The following TBCD variants were observed in gnomAD, a reference collection of about 807,000 sequenced individuals.
TBCD encodes the protein tubulin-specific chaperone D.
In TBCD, 105 loss-of-function variants were observed where a neutral mutation model predicts 169.3. The observed-to-expected ratio is 0.62, with a 90% CI of 0.53 to 0.73. TBCD has a LOEUF of 0.73. Ranked by LOEUF, TBCD falls within the 30% of genes least tolerant of loss-of-function variation. The pLI, the probability that TBCD is intolerant of heterozygous loss-of-function variation, is 0.00. For synonymous variants in TBCD, 700 were observed against 643.9 expected, an observed-to-expected ratio of 1.09 and a Z score of -1.32; for missense variants, 1,444 against 1,600.1, an observed-to-expected ratio of 0.90 and a Z score of 1.66.
In TBCD at chr17:82,831,860, C is replaced by T. The variant is rs560544398; in HGVS notation, c.1318+16926C>T. 2.5e-6 allele frequency: 4 copies of T among 1,614,092 alleles called. No homozygotes were observed. The South Asian group carries it at 4.4e-5, about 18-fold the overall frequency. On this transcript the variant is annotated intron_variant, in intron 13 of 38. Transcript: ENST00000355528. The surrounding 1 kb of genome is among the most constrained non-coding windows in gnomAD (Gnocchi z 4.6). ...CAGGGGTAGCCAGGAGTGTGGAAGG[C>T]CGACTTGGTGTGGAAAGACACGGCC...
Position 82,814,866 on chromosome 17 carries a change from A to G in TBCD, c.1250A>G (p.His417Arg). 6.2e-7 allele frequency: 1 copy of G among 1,613,804 alleles called. No individual in the cohort carries two copies. The highest frequency in any genetic ancestry group is 2.2e-5 in the East Asian group (1 of 44,870). Residue 417 changes from histidine to arginine, a missense_variant, in exon 13 of 39, where the codon CAT (histidine) becomes CGT (arginine). His to Arg is a conservative substitution (Grantham distance 29, BLOSUM62 0). Transcript: ENST00000355528. Reference protein sequence around the residue: ...FSFQETDKAWHGGCLALAELG... With the variant: ...FSFQETDKAWRGGCLALAELG... ...TTCCAGGAGACTGACAAGGCGTGGC[A>G]TGGGGGATGTCTGGCGCTGGCAGAG...
intron 13 of TBCD, among the ~76,000 whole-genome samples, chr17:82,826,784 T>A (rs1360832184): frequency 2.0e-5 from 3 of 151,874 alleles, no homozygotes. Context: ...TTTATTTATG[T>A]ATTTTTTTTG....
intron 1 of TBCD, among the ~76,000 whole-genome samples, chr17:82,753,670 T>A (rs2047240561): frequency 6.7e-6 from 1 of 150,284 alleles, no homozygotes; most frequent in African/African-American, 2.5e-5. Flanking sequence ...GTCAGGCTGG[T>A]CTCAAACTCC....
In TBCD at chr17:82,814,975, G is replaced by A. The variant is rs751184838; in HGVS notation, c.1318+41G>A. ...ACGGTCAGGGGGGATGTCTGGCGCT[G>A]GCGGAGCTGGGCAGGAGAGGCCTGT... On this transcript the variant is annotated intron_variant, in intron 13 of 38. Transcript: ENST00000355528. 3.7e-5 allele frequency: 59 copies of A among 1,606,020 alleles called. No individual in the cohort carries two copies. In the East Asian group the frequency reaches 1.2e-3, roughly 32 times the overall value.
chr17:82,838,825 A>G (rs1188423636), intron 13 of TBCD: 1 of 985,338 alleles, frequency 1.0e-6, no homozygotes, highest in African/African-American at 1.7e-5. Context: ...CCCGAGTTAC[A>G]GACCTGAGCT....
intron 9 of TBCD, among the ~76,000 whole-genome samples, chr17:82,804,303 TAGC>T (rs1382289385): frequency 6.6e-6 from 1 of 152,166 alleles, no homozygotes; most frequent in Non-Finnish European, 1.5e-5. Context: ...CCCCGAAATT[TAGC>T]AGCTTAAACA....
intron 6 of TBCD, among the ~76,000 whole-genome samples, chr17:82,779,841 C>A (rs915812428): frequency 6.6e-6 from 1 of 152,142 alleles, no homozygotes; most frequent in African/African-American, 2.4e-5. Context: ...TGCCTGGGGT[C>A]TCCACGTAGC....
intron 13 of TBCD, among the ~76,000 whole-genome samples, chr17:82,855,993 C>CCCTTTTTTTTT (rs373747821): frequency 1.5e-5 from 1 of 66,268 alleles, no homozygotes; most frequent in African/African-American, 7.0e-5. Context: ...TCCCCCCCCA[C>CCCTTTTTTTTT]TTTTTTTTTT....
chr17:82,861,512 C>G (rs571791037), intron 13 of TBCD, among the ~76,000 whole-genome samples: 8 of 152,192 alleles, frequency 5.3e-5, no homozygotes, highest in Admixed American at 3.3e-4. Flanking sequence ...CCCTTAAACT[C>G]AGATCCAGGG....
At chr17:82,942,150 T>C (rs951345359) in intron 38 of TBCD, 1 of 538,488 alleles carries the variant, frequency 1.9e-6, no homozygotes, top group African/African-American at 1.9e-5. Context: ...ACTTTGGAAT[T>C]AAATGTGCTT....
At chr17:82,813,660 A>G (rs2051632320) in intron 12 of TBCD, among the ~76,000 whole-genome samples, 1 of 152,230 alleles carries the variant, frequency 6.6e-6, no homozygotes. Flanking sequence ...AAGTTCATTC[A>G]GATGTTAACT....
intron 7 of TBCD, among the ~76,000 whole-genome samples, chr17:82,783,891 G>A (rs745664600): frequency 6.6e-6 from 1 of 152,152 alleles, no homozygotes; most frequent in African/African-American, 2.4e-5. Flanking sequence ...TTGGGAGGCC[G>A]AGGCAGGCAG....
intron 13 of TBCD, among the ~76,000 whole-genome samples, chr17:82,825,454 A>C (rs887641341): frequency 2.0e-5 from 3 of 152,280 alleles, no homozygotes; most frequent in Non-Finnish European, 4.4e-5. Context: ...TGGTGTATAT[A>C]AACAGAAGTG....
In TBCD at chr17:82,870,352, C is replaced by G; in HGVS notation, c.1447C>G (p.Leu483Val). The change falls in exon 14 of 39, where the codon CTG becomes GTG. Residue 483 changes from leucine (L) to valine (V), a missense_variant. By Grantham distance (32) the Leu-to-Val change is conservative. Transcript: ENST00000355528. ...CGCGCGTGCCTATGAGCCTCAGGAG[C>G]TGAAGCCCTTTGTGACTGCAATCTC... ...AFARAYEPQE[L>V]KPFVTAISSA... 1 of 1,613,320 alleles carries G rather than the reference C, an allele frequency of 6.2e-7. No individual in the cohort carries two copies. The highest frequency in any genetic ancestry group is 8.5e-7 in the Non-Finnish European group (1 of 1,179,820).
At chr17:82,828,897 C>T (rs563628152) in intron 13 of TBCD, among the ~76,000 whole-genome samples, 4 of 150,686 alleles carry the variant, frequency 2.7e-5, no homozygotes, top group South Asian at 2.1e-4. Flanking sequence ...TGTACACACC[C>T]GCAGGTATGT....
In TBCD at chr17:82,830,296, A is replaced by T. The variant is rs147314418; in HGVS notation, c.1318+15362A>T. On this transcript the variant is annotated intron_variant, in intron 13 of 38. Coordinates refer to ENST00000355528, the MANE Select transcript of TBCD (RefSeq NM_005993.5). ...GTCACACTGGGCCTCTTGGCTCTCC[A>T]TGGAGCTCAGTGTGGGTGTGTCTTG... 2.4e-4 allele frequency: 392 copies of T among 1,614,116 alleles called. 1 individual carries two copies. The African/African-American group carries it at 4.6e-3, about 19-fold the overall frequency.
intron 30 of TBCD, among the ~76,000 whole-genome samples, chr17:82,928,546 CTCAG>C (rs2061947921): frequency 6.7e-6 from 1 of 149,514 alleles, no homozygotes; most frequent in African/African-American, 2.5e-5. Context: ...GTCAGGGGCA[CTCAG>C]TCAGGGGGTC....
At chr17:82,914,839 C>T (rs1188650551) in intron 23 of TBCD, among the ~76,000 whole-genome samples, 2 of 152,152 alleles carry the variant, frequency 1.3e-5, no homozygotes, top group Non-Finnish European at 2.9e-5. Context: ...TTTTACACTT[C>T]GTAGGAAATT....
chr17:82,941,081 G>A (rs111705141), intron 37 of TBCD, among the ~76,000 whole-genome samples: 3,419 of 152,350 alleles, frequency 0.022, 156 homozygotes, highest in African/African-American at 0.078. Flanking sequence ...TTAAAACCTG[G>A]AAAACCCTTG....
Sources: allele counts gnomAD v4.1 joint callset (sites outside exome capture counted in the v4.1 genomes callset), GRCh38; gene constraint gnomAD v4.1.1; non-coding constraint Gnocchi (gnomAD v3.1); transcripts MANE v1.5; gene names NCBI Gene and HGNC (gene_info 2026-07-23, HGNC 2026-07-21).